DSCAM: variants seen among roughly 807,000 people sequenced by gnomAD.
The protein encoded by DSCAM is DS cell adhesion molecule, also known as cell adhesion molecule DSCAM.
A neutral mutation model predicts 217.7 loss-of-function variants in DSCAM; 47 were observed. The ratio of observed to expected loss-of-function variants is 0.22; its 90% CI spans 0.17 to 0.28. The LOEUF (loss-of-function observed/expected upper bound fraction) is 0.28, where lower values mean the gene tolerates loss of function less well. DSCAM is among the 10% of genes least tolerant of loss of function. DSCAM has a pLI of 1.00. For missense variants in DSCAM, 2,080 were observed against 2,618.3 expected (o/e 0.79, Z 4.49); for synonymous variants, 1,056 against 1,015.3 (o/e 1.04, Z -0.76).
intron 10 of DSCAM, among the ~76,000 whole-genome samples, chr21:40,285,161 G>A (rs2073809508): frequency 6.6e-6 from 1 of 152,206 alleles, no homozygotes. Flanking sequence ...ATGTGATATT[G>A]GAAGTGGTTG....
chr21:40,753,509 C>A (rs116874201), intron 1 of DSCAM, among the ~76,000 whole-genome samples: 70 of 152,218 alleles, frequency 4.6e-4, no homozygotes, highest in Non-Finnish European at 7.8e-4. Context: ...ATGGACACAC[C>A]TTTAGATGTA....
In DSCAM at chr21:40,338,325, T is replaced by A; in HGVS notation, c.1559A>T (p.Asp520Val). The change falls in exon 8 of 33, where the codon GAC becomes GTC. Residue 520 changes from aspartate (D) to valine (V), a missense_variant. By Grantham distance (152) the Asp-to-Val change is radical. Transcript: ENST00000400454. ...AATCACACGACAGTGAATGTATGTG[T>A]CCCGTCCTGCTATTGCTGTGATGTT... ...MKNITAIAGRDTYIHCRVIGY... is the reference protein window; with the variant it reads ...MKNITAIAGRVTYIHCRVIGY... 6.2e-7 allele frequency: 1 copy of A among 1,614,226 alleles called. No homozygotes were observed. Among genetic ancestry groups the A allele is most frequent in the Non-Finnish European group, 8.5e-7 (1 of 1,180,024 alleles).
chr21:40,401,160 G>A (rs186346412), intron 3 of DSCAM, among the ~76,000 whole-genome samples: 28 of 152,194 alleles, frequency 1.8e-4, no homozygotes, highest in Admixed American at 1.3e-3. Context: ...CCCTTGTTCC[G>A]CTAAGTAAAA....
chr21:40,450,361 T>C (rs1041156684), intron 3 of DSCAM, among the ~76,000 whole-genome samples: 5 of 152,166 alleles, frequency 3.3e-5, no homozygotes, highest in African/African-American at 1.2e-4. Flanking sequence ...ATCCCACATG[T>C]TTTTGATGTA....
intron 16 of DSCAM, among the ~76,000 whole-genome samples, chr21:40,162,368 A>T (rs959516605): frequency 2.0e-5 from 3 of 152,204 alleles, no homozygotes; most frequent in African/African-American, 4.8e-5. Flanking sequence ...AGGAAATACT[A>T]GTGCTGGAAG....
chr21:40,039,405 T>C (rs1461999095), intron 32 of DSCAM, among the ~76,000 whole-genome samples: 2 of 152,162 alleles, frequency 1.3e-5, no homozygotes, highest in Non-Finnish European at 2.9e-5. Context: ...GACTATAATT[T>C]CTATTAATTG....
At chr21:40,525,224 C>A (rs77466690) in intron 3 of DSCAM, among the ~76,000 whole-genome samples, 3 of 152,014 alleles carry the variant, frequency 2.0e-5, no homozygotes, top group African/African-American at 7.3e-5. Context: ...TAATTCATGG[C>A]AAGTATATAC....
intron 1 of DSCAM, among the ~76,000 whole-genome samples, chr21:40,802,253 G>A (rs1438945620): frequency 6.6e-6 from 1 of 152,220 alleles, no homozygotes; most frequent in African/African-American, 2.4e-5. Context: ...TTCAGACTTG[G>A]TTGGGACTAG....
At position 40,140,107 on chromosome 21, in the gene DSCAM, G is replaced by T. The variant is rs1601374266; in HGVS notation, c.3406+2451C>A. Among the ~76,000 whole-genome samples, 4 of 152,190 alleles carry T rather than the reference G, an allele frequency of 2.6e-5. No homozygotes were observed. In the East Asian group the frequency reaches 7.7e-4, roughly 29 times the overall value. Reference sequence around the variant, plus strand: ...CCAGTCCCGGAGGCTGCAGTCTGGGGAGTTTGTGCAAAAGTGTCCAGTAGC... The same window carrying T: ...CCAGTCCCGGAGGCTGCAGTCTGGGTAGTTTGTGCAAAAGTGTCCAGTAGC... On this transcript the variant is annotated intron_variant, in intron 18 of 32. Coordinates refer to ENST00000400454, the MANE Select transcript of DSCAM (RefSeq NM_001389.5).
intron 8 of DSCAM, among the ~76,000 whole-genome samples, chr21:40,325,346 C>A (rs1601552750): frequency 6.6e-6 from 1 of 152,048 alleles, no homozygotes; most frequent in Non-Finnish European, 1.5e-5. Context: ...ATATATTGGA[C>A]CCCAGCTTTA....
intron 1 of DSCAM, among the ~76,000 whole-genome samples, chr21:40,826,600 A>C (rs1046994723): frequency 1.3e-5 from 2 of 152,242 alleles, no homozygotes; most frequent in African/African-American, 4.8e-5. Context: ...AGGTAGAAGA[A>C]ATGGTCAGAT....
intron 14 of DSCAM, among the ~76,000 whole-genome samples, chr21:40,179,845 G>A (rs770643571): frequency 2.6e-5 from 4 of 152,192 alleles, no homozygotes; most frequent in South Asian, 2.1e-4. Context: ...ATGTCAATAC[G>A]TGGTTCTTAT....
At chr21:40,741,435 C>A (rs914294189) in intron 1 of DSCAM, among the ~76,000 whole-genome samples, 2 of 151,772 alleles carry the variant, frequency 1.3e-5, no homozygotes, top group Non-Finnish European at 2.9e-5. Context: ...ACTAAAGGAA[C>A]TTATCTTCTC....
chr21:40,023,152 T>C (rs1248110307), intron 32 of DSCAM, among the ~76,000 whole-genome samples: 1 of 151,930 alleles, frequency 6.6e-6, no homozygotes, highest in Non-Finnish European at 1.5e-5. Context: ...GATAGTTTAC[T>C]GAGAATGATG....
At chr21:40,166,342 A>G (rs1479667799) in intron 16 of DSCAM, among the ~76,000 whole-genome samples, 1 of 152,220 alleles carries the variant, frequency 6.6e-6, no homozygotes, top group Non-Finnish European at 1.5e-5. Context: ...GAGCGGGGAT[A>G]GTTAATGCAA....
At chr21:40,668,164 G>A (rs950818593) in intron 3 of DSCAM, among the ~76,000 whole-genome samples, 4 of 152,022 alleles carry the variant, frequency 2.6e-5, no homozygotes, top group East Asian at 1.9e-4. Flanking sequence ...AAAATGACTC[G>A]TTGCCTCACT....
intron 11 of DSCAM, among the ~76,000 whole-genome samples, chr21:40,248,298 T>A (rs148567155): frequency 0.013 from 1,991 of 152,328 alleles, 56 homozygotes; most frequent in African/African-American, 0.046. Context: ...TTCTTTTCTA[T>A]CACATTGTCA....
chr21:40,417,512 T>G (rs1483719176), intron 3 of DSCAM, among the ~76,000 whole-genome samples: 1 of 152,128 alleles, frequency 6.6e-6, no homozygotes, highest in Non-Finnish European at 1.5e-5. Flanking sequence ...CACAAGTTAA[T>G]TGTTGTGTCT....
At chr21:40,620,207 GAA>G (rs769861378) in intron 3 of DSCAM, among the ~76,000 whole-genome samples, 7 of 100,458 alleles carry the variant, frequency 7.0e-5, no homozygotes, top group Admixed American at 1.0e-4. Flanking sequence ...AAGAAAGAGA[GAA>G]AGAGAGAGAA....
Sources: allele counts gnomAD v4.1 joint callset (sites outside exome capture counted in the v4.1 genomes callset), GRCh38; gene constraint gnomAD v4.1.1; transcripts MANE v1.5; gene names NCBI Gene and HGNC (gene_info 2026-07-23, HGNC 2026-07-21).